The following RPS6KA3 variants were observed in gnomAD, a reference collection of about 807,000 sequenced individuals.
RPS6KA3 encodes the protein ribosomal protein S6 kinase A3, also known as ribosomal protein S6 kinase alpha-3.
RPS6KA3 carries 4 observed loss-of-function variants against 67.2 expected under a neutral mutation model. The ratio of observed to expected loss-of-function variants is 0.06; its 90% CI spans 0.03 to 0.14. RPS6KA3 has a LOEUF of 0.14. Ranked by LOEUF, RPS6KA3 falls within the 10% of genes least tolerant of loss-of-function variation. The pLI is 1.00. For missense variants in RPS6KA3, 204 were observed against 559.0 expected, an observed-to-expected ratio of 0.36 and a Z score of 6.40; for synonymous variants, 182 against 183.7, an observed-to-expected ratio of 0.99 and a Z score of 0.07.
chrX:20,180,299 G>T (rs1052664591), intron 10 of RPS6KA3, among the ~76,000 whole-genome samples: 2 of 110,748 alleles, frequency 1.8e-5, no homozygotes, highest in Admixed American at 1.9e-4. Flanking sequence ...GCCTCCTGAT[G>T]TAATAGGGAC....
chrX:20,194,375 C>CA, intron 5 of RPS6KA3, 107 bp from the exon 6 acceptor site: 1 of 504,264 alleles, frequency 2.0e-6, no homozygotes, highest in Non-Finnish European at 3.4e-6. Context: ...ATCAAATGTC[C>CA]AAACTTACTT....
chrX:20,230,470 G>T (rs2069230852), intron 2 of RPS6KA3, among the ~76,000 whole-genome samples: 1 of 111,986 alleles, frequency 8.9e-6, no homozygotes, highest in African/African-American at 3.2e-5. Flanking sequence ...TAAGTAGTGG[G>T]GATGGCGGTA....
chrX:20,225,975 C>T (rs748756765), intron 2 of RPS6KA3, among the ~76,000 whole-genome samples: 2 of 110,657 alleles, frequency 1.8e-5, no homozygotes, highest in Non-Finnish European at 3.8e-5. Flanking sequence ...TACTTGAGGT[C>T]AGGAGTTTGA....
chrX:20,266,984 A>G (rs2070416530), upstream of RPS6KA3: 8 of 746,338 alleles, frequency 1.1e-5, no homozygotes, highest in Admixed American at 8.8e-5. Context: ...CCAGCAGAAC[A>G]GCGACCGCCG....
At chrX:20,224,893 C>T (rs1451480322) in intron 2 of RPS6KA3, among the ~76,000 whole-genome samples, 4 of 111,393 alleles carry the variant, frequency 3.6e-5, no homozygotes, top group Non-Finnish European at 7.5e-5. Context: ...TACAATATAC[C>T]CTAGGTGGTA....
At chrX:20,202,644 T>C (rs764263735) in intron 4 of RPS6KA3, among the ~76,000 whole-genome samples, 2 of 112,326 alleles carry the variant, frequency 1.8e-5, no homozygotes, top group African/African-American at 3.2e-5. Context: ...TTCTTAACAG[T>C]TGGCCTTCTC....
chrX:20,242,859 A>T (rs952809683), intron 1 of RPS6KA3, among the ~76,000 whole-genome samples: 1 of 111,227 alleles, frequency 9.0e-6, no homozygotes, highest in African/African-American at 3.3e-5. Flanking sequence ...GAAATGGAAC[A>T]AGATTGGCCA....
intron 2 of RPS6KA3, among the ~76,000 whole-genome samples, chrX:20,229,146 A>T (rs181079079): frequency 9.0e-6 from 1 of 110,547 alleles, no homozygotes; most frequent in African/African-American, 3.3e-5. Context: ...AGAGCAGTCC[A>T]TAGGTTAAGA....
chrX:20,249,788 T>C (rs776592091), intron 1 of RPS6KA3, among the ~76,000 whole-genome samples: 14 of 112,613 alleles, frequency 1.2e-4, no homozygotes, highest in Non-Finnish European at 2.4e-4. Context: ...TATTGTTTTC[T>C]TCTTTTATAG....
intron 1 of RPS6KA3, among the ~76,000 whole-genome samples, chrX:20,238,426 CTT>C (rs2069470563): frequency 9.0e-6 from 1 of 111,453 alleles, no homozygotes; most frequent in Non-Finnish European, 1.9e-5. Context: ...ATGAATAAAA[CTT>C]TATTTAAAAT....
chrX:20,172,708 G>A (rs1229134033), intron 15 of RPS6KA3, 38 bp downstream of exon 15: 7 of 1,122,640 alleles, frequency 6.2e-6, no homozygotes, highest in Non-Finnish European at 8.4e-6. Flanking sequence ...GCATGAACAA[G>A]AACTGTATGA....
chrX:20,202,431 G>A (rs1293131663), intron 4 of RPS6KA3, among the ~76,000 whole-genome samples: 1 of 111,570 alleles, frequency 9.0e-6, no homozygotes, highest in East Asian at 2.8e-4. Context: ...TTCTATGCCT[G>A]TATTACTCCC....
At chrX:20,195,737 T>A (rs1398941767) in intron 4 of RPS6KA3, among the ~76,000 whole-genome samples, 1 of 112,104 alleles carries the variant, frequency 8.9e-6, no homozygotes, top group African/African-American at 3.2e-5. Context: ...ATCTGTGTAA[T>A]CTTTTTTTTG....
Position 20,245,885 on chromosome X carries a change from C to T in RPS6KA3, c.70-11071G>A, listed in dbSNP as rs745682471. Among the ~76,000 whole-genome samples, 65 of 110,331 alleles carry T rather than the reference C, an allele frequency of 5.9e-4. 1 individual carries two copies. The highest frequency in any genetic ancestry group is 1.9e-3 in the African/African-American group (58 of 30,241). On this transcript the variant is annotated intron_variant, in intron 1 of 21. Coordinates refer to ENST00000379565, the MANE Select transcript of RPS6KA3 (RefSeq NM_004586.3). ...CTGTAATCCTAGCACCTTGGGAGGC[C>T]GAGGCAGGAGGATCATGAGGTCAGG...
chrX:20,201,892 T>C (rs1330334987), intron 4 of RPS6KA3, among the ~76,000 whole-genome samples: 1 of 110,761 alleles, frequency 9.0e-6, no homozygotes, highest in Admixed American at 9.7e-5. Flanking sequence ...ACAAGTTTCC[T>C]AGATGTGTTA....
chrX:20,259,616 T>C (rs1464929186), intron 1 of RPS6KA3, among the ~76,000 whole-genome samples: 2 of 111,406 alleles, frequency 1.8e-5, no homozygotes, highest in African/African-American at 6.5e-5. Flanking sequence ...GTTACTGTAG[T>C]TATCAGACTT....
intron 7 of RPS6KA3, among the ~76,000 whole-genome samples, chrX:20,189,591 G>A (rs1271240019): frequency 8.9e-6 from 1 of 112,080 alleles, no homozygotes; most frequent in Admixed American, 9.5e-5. Context: ...GTACTAAGCT[G>A]TAAGCCAATA....
chrX:20,264,016 T>C (rs1386263787), intron 1 of RPS6KA3, among the ~76,000 whole-genome samples: 2 of 112,015 alleles, frequency 1.8e-5, no homozygotes, highest in Non-Finnish European at 3.8e-5. Context: ...AGGAACCTAC[T>C]GGGGGAGGAA....
chrX:20,203,832 C>T, intron 4 of RPS6KA3, 190 bp downstream of exon 4: 1 of 423,214 alleles, frequency 2.4e-6, no homozygotes, highest in East Asian at 3.8e-5. Context: ...AACGTGGCAA[C>T]TCTGGTTCTC....
Sources: allele counts gnomAD v4.1 joint callset (sites outside exome capture counted in the v4.1 genomes callset), GRCh38; gene constraint gnomAD v4.1.1; transcripts MANE v1.5; gene names NCBI Gene and HGNC (gene_info 2026-07-23, HGNC 2026-07-21).